Variants in LCORL observed in about 807,000 individuals in gnomAD.
LCORL encodes the protein ligand dependent nuclear receptor corepressor like, also known as ligand-dependent nuclear receptor corepressor-like protein.
A neutral mutation model predicts 141.8 loss-of-function variants in LCORL; 41 were observed. That is an observed-to-expected ratio of 0.29 (90% CI 0.23 to 0.38). LCORL has a LOEUF of 0.38. Among genes scored for constraint, LCORL ranks in the 10% least tolerant of loss-of-function variants. The probability of loss-of-function intolerance (pLI) is 1.00; values close to 1 mark genes in which losing one functional copy is unlikely to be tolerated. For missense variants in LCORL, 1,759 were observed against 2,035.0 expected, an observed-to-expected ratio of 0.86 and a Z score of 2.61; for synonymous variants, 618 against 694.1, an observed-to-expected ratio of 0.89 and a Z score of 1.72.
chr4:17,862,062 T>C (rs1725075659), intron 7 of LCORL, among the ~76,000 whole-genome samples: 1 of 152,224 alleles, frequency 6.6e-6, no homozygotes, highest in South Asian at 2.1e-4. Context: ...CTCTGCCTGT[T>C]ACCCAGTTCC....
chr4:17,983,460 C>T (rs1718379634), intron 1 of LCORL, among the ~76,000 whole-genome samples: 1 of 152,038 alleles, frequency 6.6e-6, no homozygotes, highest in African/African-American at 2.4e-5. Flanking sequence ...TTTTGTAATT[C>T]TCATTGTAGA....
intron 7 of LCORL, among the ~76,000 whole-genome samples, chr4:17,855,783 C>G (rs931433103): frequency 6.6e-6 from 1 of 152,122 alleles, no homozygotes; most frequent in African/African-American, 2.4e-5. Context: ...CAGCCAAGAT[C>G]AGAAGAACAT....
rs1553863446 is a variant in LCORL, at chr4:17,897,213, C to CCTTTTTTTTTTTTTTTTTTTTTTTTTTTT, written c.683-11053_683-11052insAAAAAAAAAAAAAAAAAAAAAAAAAAAAG. On this transcript the variant is annotated intron_variant, in intron 5 of 7. Coordinates refer to ENST00000635767, the Ensembl canonical transcript of LCORL. Reference sequence around the variant, plus strand: ...AGACTTCTCTTTGATATACTGATTTCTTTTTTTTTTTTTTTTTTTTTTTTT... The same window carrying CCTTTTTTTTTTTTTTTTTTTTTTTTTTTT: ...AGACTTCTCTTTGATATACTGATTTCCTTTTTTTTTTTTTTTTTTTTTTTTTTTTTTTTTTTTTTTTTTTTTTTTTTTTT... 5.9e-4 allele frequency among the ~76,000 whole-genome samples: 38 copies of CCTTTTTTTTTTTTTTTTTTTTTTTTTTTT among 63,986 alleles called. 18 individuals carry two copies. The highest frequency in any genetic ancestry group is 5.0e-4 in the Admixed American group (2 of 4,014). 42.0% of individuals were successfully genotyped at this position (63,986 alleles called of 152,430 possible).
At chr4:17,959,314 T>C (rs1713314575) in intron 4 of LCORL, among the ~76,000 whole-genome samples, 1 of 151,990 alleles carries the variant, frequency 6.6e-6, no homozygotes, top group African/African-American at 2.4e-5. Context: ...TGGGAAGTGT[T>C]TTCTACTTAG....
At chr4:18,015,257 T>C (rs993630801) in intron 1 of LCORL, among the ~76,000 whole-genome samples, 5 of 152,164 alleles carry the variant, frequency 3.3e-5, no homozygotes, top group African/African-American at 7.2e-5. Flanking sequence ...CGCACCCATG[T>C]AGCCAAACAA....
chr4:17,986,134 T>C (rs1458344153), intron 1 of LCORL, among the ~76,000 whole-genome samples: 1 of 152,242 alleles, frequency 6.6e-6, no homozygotes, highest in Non-Finnish European at 1.5e-5. Context: ...GGTCTGCTAT[T>C]AGCCTGATAG....
rs151175351 is a variant in LCORL, at chr4:17,943,101, T to C, written c.430+18802A>G. 4.9e-4 allele frequency among the ~76,000 whole-genome samples: 74 copies of C among 152,198 alleles called. 2 individuals are homozygous for C. The East Asian group carries it at 0.013, about 26-fold the overall frequency. ...AAACCTGTCCCTGGTGCCAAAAACGTTGGGGACTGCTGATCCGGCGGCTCA... is the reference window on the plus strand; with the variant it reads ...AAACCTGTCCCTGGTGCCAAAAACGCTGGGGACTGCTGATCCGGCGGCTCA... On this transcript the variant is annotated intron_variant, in intron 4 of 7. Transcript: ENST00000635767.
At chr4:17,929,886 A>G (rs1735725904) in intron 4 of LCORL, among the ~76,000 whole-genome samples, 1 of 152,228 alleles carries the variant, frequency 6.6e-6, no homozygotes, top group African/African-American at 2.4e-5. Flanking sequence ...TCCACCATAC[A>G]TGAAGAACTC....
At chr4:17,940,723 C>T (rs1737817169) in intron 4 of LCORL, among the ~76,000 whole-genome samples, 1 of 151,656 alleles carries the variant, frequency 6.6e-6, no homozygotes, top group African/African-American at 2.4e-5. Flanking sequence ...ACATTTCAAC[C>T]AAGGGTCAAT....
At chr4:18,014,823 C>T (rs767106578) in intron 1 of LCORL, among the ~76,000 whole-genome samples, 1 of 152,170 alleles carries the variant, frequency 6.6e-6, no homozygotes, top group African/African-American at 2.4e-5. Flanking sequence ...TTCACATTCT[C>T]TTATCTAGAT....
intron 5 of LCORL, 75 bp downstream of exon 5, chr4:17,909,019 T>C: frequency 6.2e-6 from 8 of 1,284,674 alleles, no homozygotes; most frequent in Non-Finnish European, 8.4e-6. Flanking sequence ...TCCCTATGAA[T>C]ATAAAAAGTT....
chr4:17,913,103 C>T (rs1464117638), intron 4 of LCORL: 1 of 192,052 alleles, frequency 5.2e-6, no homozygotes, highest in South Asian at 1.1e-4. Flanking sequence ...AGTGACGGAA[C>T]ATCCGCATCA....
chr4:17,847,141 T>G (rs16895882), intron 7 of LCORL, among the ~76,000 whole-genome samples: 3,083 of 152,318 alleles, frequency 0.02, 84 homozygotes, highest in East Asian at 0.13. Flanking sequence ...ATATTACTTA[T>G]AGTCCACATA....
At chr4:17,911,883 T>G (rs1184841639) in intron 4 of LCORL, 11 of 476,200 alleles carry the variant, frequency 2.3e-5, no homozygotes, top group Non-Finnish European at 4.0e-5. Flanking sequence ...TGGCCGGGGG[T>G]CTGGCAGGAA....
intron 1 of LCORL, among the ~76,000 whole-genome samples, chr4:17,986,869 T>G (rs1303727563): frequency 6.6e-6 from 1 of 152,218 alleles, no homozygotes; most frequent in Non-Finnish European, 1.5e-5. Context: ...ATTCATAAAT[T>G]ACAAACATTC....
chr4:17,991,209 T>C (rs1417550535), intron 1 of LCORL, among the ~76,000 whole-genome samples: 1 of 152,210 alleles, frequency 6.6e-6, no homozygotes, highest in African/African-American at 2.4e-5. Flanking sequence ...ACTCTGGTGC[T>C]CCTCTGTTTC....
intron 5 of LCORL, among the ~76,000 whole-genome samples, chr4:17,889,466 A>G (rs577721854): frequency 1.2e-4 from 18 of 152,142 alleles, no homozygotes; most frequent in Non-Finnish European, 1.9e-4. Context: ...TAATGTCTAC[A>G]TAGTAAACAC....
intron 7 of LCORL, among the ~76,000 whole-genome samples, chr4:17,870,369 A>T (rs372498330): frequency 6.6e-6 from 1 of 152,110 alleles, no homozygotes; most frequent in South Asian, 2.1e-4. Context: ...AACTGCCTGA[A>T]AACACTCCTC....
rs188732218 is a variant in LCORL, at chr4:18,009,163, G to A, written c.154+12435C>T. On this transcript the variant is annotated intron_variant, in intron 1 of 7. Coordinates refer to ENST00000635767, the Ensembl canonical transcript of LCORL. ...TATATATGATGAAAACCATGAGTTC[G>A]CACAAGTACTTCATTTCCTATCCAA... Among the ~76,000 whole-genome samples, 9 of 151,938 alleles carry A rather than the reference G, an allele frequency of 5.9e-5. No individual in the cohort carries two copies. In the East Asian group the frequency reaches 7.8e-4, roughly 13 times the overall value.
Sources: allele counts gnomAD v4.1 joint callset (sites outside exome capture counted in the v4.1 genomes callset), GRCh38; gene constraint gnomAD v4.1.1; transcripts MANE v1.5; gene names NCBI Gene and HGNC (gene_info 2026-07-23, HGNC 2026-07-21).